C3: variants seen among roughly 807,000 people sequenced by gnomAD.
The protein encoded by C3 is C3 and PZP-like alpha-2-macroglobulin domain-containing protein 1.
Under a neutral mutation model 207.9 loss-of-function variants are expected in C3, and 97 were observed. The observed-to-expected ratio is 0.47, with a 90% CI of 0.40 to 0.55. The LOEUF (loss-of-function observed/expected upper bound fraction) is 0.55. Among genes scored for constraint, C3 ranks in the 20% least tolerant of loss-of-function variants. C3 has a pLI of 0.00. For synonymous variants in C3, 848 were observed against 857.6 expected (o/e 0.99, Z 0.20); for missense variants, 1,684 against 2,171.7 (o/e 0.78, Z 4.46).
At chr19:6,684,877 C>A (rs746082352) in intron 30 of C3, 43 bp from the exon 31 acceptor site, 9 of 1,610,368 alleles carry the variant, frequency 5.6e-6, no homozygotes, top group Admixed American at 3.3e-5. Flanking sequence ...GGGAATTAAG[C>A]CTTCTGCTGC....
At position 6,709,737 on chromosome 19, in the gene C3, C is replaced by T. The variant is rs1023851263; in HGVS notation, c.1792G>A (p.Val598Met). 13 of 1,613,880 alleles carry T rather than the reference C, an allele frequency of 8.1e-6. No individual in the cohort carries two copies. Among genetic ancestry groups the T allele is most frequent in the African/African-American group, 1.3e-5 (1 of 74,888 alleles). ...TTCAGCACGAACACGCCCTTGTCCA[C>T]GGCCACCAGTACCACCCGGGCCCCG... ...DHGARVVLVA[V>M]DKGVFVLNKK... Residue 598 changes from valine to methionine, a missense_variant, in exon 14 of 41, where the codon GTG (valine) becomes ATG (methionine). Coordinates refer to ENST00000245907, the MANE Select transcript of C3 (RefSeq NM_000064.4).
chr19:6,678,653 G>A (rs1917783606), intron 38 of C3, among the ~76,000 whole-genome samples, 198 bp from the exon 39 acceptor site: 1 of 152,070 alleles, frequency 6.6e-6, no homozygotes, highest in Non-Finnish European at 1.5e-5. Flanking sequence ...ACACAGTCGT[G>A]CTCATAGGCA....
At chr19:6,686,711 T>C in intron 28 of C3, 35 bp downstream of exon 28, 1 of 1,607,388 alleles carries the variant, frequency 6.2e-7, no homozygotes, top group Non-Finnish European at 8.5e-7. Flanking sequence ...ACTTCAGCCA[T>C]GCATCTCCCT....
rs182584855 is a variant in C3 at position 6,684,170 on chromosome 19, T to C, written c.4172+218A>G. On this transcript the variant is annotated intron_variant, in intron 33 of 40. Transcript: ENST00000245907. ...TACTTTCCTCCATTGATTACTAAGA[T>C]GCTTTGACAGTCTCAGCTTACGTGG... 1.1e-3 allele frequency: 683 copies of C among 639,592 alleles called. 3 individuals carry two copies. The highest frequency in any genetic ancestry group is 1.8e-3 in the Non-Finnish European group (619 of 352,340). The allele number at this position is 639,592 out of a possible 1,614,324, so 39.6% of individuals were successfully genotyped here.
intron 27 of C3, among the ~76,000 whole-genome samples, chr19:6,689,356 CCTCCCTCTCTCT>C (rs1918108859): frequency 6.4e-5 from 3 of 47,200 alleles, no homozygotes; most frequent in Non-Finnish European, 1.2e-4. Flanking sequence ...TCCCTCCCTC[CCTCCCTCTCTCT>C]CTCTCTCTCT....
intron 12 of C3, 66 bp from the exon 13 acceptor site, chr19:6,710,911 G>T: frequency 6.2e-7 from 1 of 1,601,754 alleles, no homozygotes; most frequent in South Asian, 1.1e-5. Flanking sequence ...AGGGATCCGG[G>T]ATGGGGGAAG....
rs1433886377 is a variant in C3, at chr19:6,712,663, C to T, written c.1004-40G>A. The T allele has an allele frequency of 1.5e-5, 24 of 1,548,614 alleles. 1 individual carries two copies. Among genetic ancestry groups the T allele is most frequent in the South Asian group, 5.6e-5 (5 of 89,756 alleles). ...TGTGAGTGTAGGCTTCTGGGCCACC[C>T]CTCAGGATTAGACCTCCTCCCTCAG... On this transcript the variant is annotated intron_variant, in intron 9 of 40. Coordinates refer to ENST00000245907, the MANE Select transcript of C3 (RefSeq NM_000064.4).
Position 6,713,238 on chromosome 19 carries a change from G to T in C3, c.954C>A (p.Asp318Glu). 6.2e-7 allele frequency: 1 copy of T among 1,613,664 alleles called. No individual in the cohort carries two copies. The highest frequency in any genetic ancestry group is 8.5e-7 in the Non-Finnish European group (1 of 1,179,990). The change falls in exon 9 of 41, where the codon GAC becomes GAA. Residue 318 changes from aspartate (D) to glutamate (E), a missense_variant. Coordinates refer to ENST00000245907, the MANE Select transcript of C3 (RefSeq NM_000064.4). ...LDGVQNPRAEDLVGKSLYVSA... is the reference protein window; with the variant it reads ...LDGVQNPRAEELVGKSLYVSA... ...ACACGTACAAAGACTTCCCCACCAG[G>T]TCTTCTGCTCGGGGGTTCTGCACCC...
chr19:6,679,840 T>C lies in C3; in HGVS notation c.4456+318A>G, dbSNP rs528574416. Among the ~76,000 whole-genome samples the C allele has an allele frequency of 1.2e-4, 18 of 152,188 alleles. No individual in the cohort carries two copies. The South Asian group carries it at 2.3e-3, about 19-fold the overall frequency. The stretch of plus-strand genomic sequence containing the variant: ...CATATTCCTAAGACCCTGAGACCCC[T>C]GAACCCATCAGACCCCCAAGTCTCA... On this transcript the variant is annotated intron_variant, in intron 36 of 40. Coordinates refer to ENST00000245907, the MANE Select transcript of C3 (RefSeq NM_000064.4).
chr19:6,682,955 G>A (rs1568210837), intron 33 of C3: 3 of 153,740 alleles, frequency 2.0e-5, no homozygotes, highest in South Asian at 4.1e-4. Flanking sequence ...CATAAATGGA[G>A]TTATCAAAGA....
chr19:6,696,488 C>CG (rs764319643), intron 22 of C3, 23 bp from the exon 23 acceptor site: 1 of 1,601,272 alleles, frequency 6.2e-7, no homozygotes. Context: ...TGAGAGATAC[C>CG]GATGGCTCTA....
Position 6,720,581 on chromosome 19 carries a change from G to A in C3, c.9C>T (p.Pro3=). ...GGAGCAGCAGGCTGGGACCTGAGGT[G>A]GGTCCCATGGTGCTGGGACAGTGCA... MG[P]TSGPSLLLLL... is the part of the protein sequence containing the mutation. The change falls in exon 1 of 41, where the codon CCC becomes CCT. Residue 3 remains proline (P), a synonymous_variant. Transcript: ENST00000245907. 1 of 1,579,632 alleles carries A rather than the reference G, an allele frequency of 6.3e-7. No homozygotes were observed. Among genetic ancestry groups the A allele is most frequent in the Non-Finnish European group, 8.6e-7 (1 of 1,162,200 alleles).
chr19:6,709,042 C>T (rs902271253), intron 14 of C3, among the ~76,000 whole-genome samples: 2 of 152,102 alleles, frequency 1.3e-5, no homozygotes, highest in African/African-American at 4.8e-5. Flanking sequence ...TTCCCATCCT[C>T]ACTCCTGATC....
In C3 at chr19:6,682,254, T is replaced by C. The variant is rs1474929303; in HGVS notation, c.4173-25A>G. ...CCTGGATAGTGCAGAAAGAAGGGCATTGGGTCCCAAGGAGGGGTCAGCCCC... is the reference window on the plus strand; with the variant it reads ...CCTGGATAGTGCAGAAAGAAGGGCACTGGGTCCCAAGGAGGGGTCAGCCCC... On this transcript the variant is annotated intron_variant, in intron 33 of 40. Transcript: ENST00000245907. The C allele has an allele frequency of 5.7e-6, 9 of 1,588,460 alleles. No homozygotes were observed. The South Asian group carries it at 6.6e-5, about 12-fold the overall frequency.
chr19:6,701,543 G>A (rs1215170957), intron 19 of C3, among the ~76,000 whole-genome samples: 3 of 152,118 alleles, frequency 2.0e-5, no homozygotes, highest in Non-Finnish European at 4.4e-5. Context: ...ATTTAGAGAA[G>A]GAGTTTTGCT....
chr19:6,696,595 C>T lies in C3; in HGVS notation c.2861G>A (p.Arg954His), dbSNP rs139864704. The T allele has an allele frequency of 2.4e-4, 389 of 1,613,784 alleles. 2 individuals carry two copies. Among genetic ancestry groups the T allele is most frequent in the South Asian group, 9.1e-4 (83 of 91,088 alleles). Residue 954 changes from arginine to histidine, a missense_variant and splice_region_variant, in exon 22 of 41, where the codon CGT (arginine) becomes CAT (histidine). Physicochemically the swap from Arg to His is conservative, Grantham distance 29 (BLOSUM62 0). This residue lies in a region of C3 where 1,280 missense variants were observed against 1,739.1 expected (regional missense o/e 0.74). Transcript: ENST00000245907. ...CCCTCCCCCTGCAGCCGACTCACCA[C>T]GGCCCAGGCGTTCTGGATCCAGGGT... ...VRTLDPERLG[R>H]EGVQKEDIPP...
intron 4 of C3, among the ~76,000 whole-genome samples, chr19:6,715,394 T>C (rs554124237): frequency 6.6e-6 from 1 of 152,184 alleles, no homozygotes; most frequent in African/African-American, 2.4e-5. Context: ...GAGGACAGCT[T>C]GGGCCCAGGA....
intron 7 of C3, 123 bp downstream of exon 7, chr19:6,713,869 C>T (rs1483116391): frequency 4.1e-6 from 1 of 241,422 alleles, no homozygotes; most frequent in Non-Finnish European, 7.6e-6. Flanking sequence ...CACCTGACTC[C>T]ACCCCCAGCC....
chr19:6,684,596 C>A lies in C3; in HGVS notation c.4084G>T (p.Asp1362Tyr), dbSNP rs368788004. 1.2e-6 allele frequency: 2 copies of A among 1,613,932 alleles called. No homozygotes were observed. Among genetic ancestry groups the A allele is most frequent in the Non-Finnish European group, 8.5e-7 (1 of 1,179,958 alleles). ...AKDQLTCNKF[D>Y]LKVTIKPAPE... is the part of the protein sequence containing the mutation. The stretch of plus-strand genomic sequence containing the variant: ...GCTGGTTTTATGGTGACCTTGAGGT[C>A]GAATTTATTACAGGTGAGTTGATCT... Residue 1362 changes from aspartate (D) to tyrosine (Y), a missense_variant, in exon 32 of 41, where the codon GAC becomes TAC. Asp to Tyr is a radical substitution (Grantham distance 160). Coordinates refer to ENST00000245907, the MANE Select transcript of C3 (RefSeq NM_000064.4).
Sources: gnomAD v4.1 joint callset for allele counts (sites outside exome capture counted in the v4.1 genomes callset) on GRCh38, gnomAD v4.1.1 for gene constraint, gnomAD v4.1.1 regional missense constraint, MANE v1.5 for transcripts, NCBI Gene and HGNC (gene_info 2026-07-23, HGNC 2026-07-21) for gene names.